SLC25A48: variants seen among roughly 807,000 people sequenced by gnomAD.
SLC25A48 encodes CTC-321K16.1.
Under a neutral mutation model 32.2 loss-of-function variants are expected in SLC25A48, and 29 were observed. The observed-to-expected ratio is 0.90, with a 90% confidence interval of 0.67 to 1.23. The LOEUF (loss-of-function observed/expected upper bound fraction) is 1.23, where lower values mean the gene tolerates loss of function less well. SLC25A48 is among the 50% of genes most tolerant of loss of function. SLC25A48 has a pLI of 0.00. For synonymous variants in SLC25A48, 164 were observed against 172.3 expected (o/e 0.95, Z 0.38); for missense variants, 399 against 422.7 (o/e 0.94, Z 0.49).
At chr5:135,596,750 A>T (rs1751661404) in intron 1 of SLC25A48, among the ~76,000 whole-genome samples, 1 of 152,172 alleles carries the variant, frequency 6.6e-6, no homozygotes, top group African/African-American at 2.4e-5. Flanking sequence ...GTGGAGCTTC[A>T]TGCCCCACTT....
At chr5:135,742,732 A>G in intron 3 of SLC25A48, 2 of 381,564 alleles carry the variant, frequency 5.2e-6, no homozygotes, top group Non-Finnish European at 9.5e-6. Context: ...CAACAGTAGA[A>G]GTAAGTGCTA....
intron 4 of SLC25A48, among the ~76,000 whole-genome samples, chr5:135,869,514 T>A (rs1761477766): frequency 2.0e-5 from 3 of 152,200 alleles, no homozygotes; most frequent in Admixed American, 2.0e-4. Context: ...GTTATCAAGA[T>A]CCTCTCCCTC....
chr5:135,676,785 T>A (rs1389067192), intron 3 of SLC25A48, among the ~76,000 whole-genome samples: 1 of 152,034 alleles, frequency 6.6e-6, no homozygotes, highest in Admixed American at 6.5e-5. Flanking sequence ...TTCCTCTTAA[T>A]ATTGATTTCT....
chr5:135,813,525 A>C (rs191885368), intron 4 of SLC25A48, among the ~76,000 whole-genome samples: 54 of 152,312 alleles, frequency 3.5e-4, no homozygotes, highest in African/African-American at 1.3e-3. Context: ...AAGGAGAGCT[A>C]TAAGACCCTT....
chr5:135,886,389 A>C (rs1053658495), intron 7 of SLC25A48, among the ~76,000 whole-genome samples: 5 of 145,518 alleles, frequency 3.4e-5, no homozygotes, highest in Admixed American at 7.1e-5. Context: ...CCTGGGCTGC[A>C]ATGAATGAAA....
At chr5:135,869,989 C>G (rs115757061) in intron 4 of SLC25A48, among the ~76,000 whole-genome samples, 1 of 152,328 alleles carries the variant, frequency 6.6e-6, no homozygotes, top group Non-Finnish European at 1.5e-5. Flanking sequence ...ACCCCCTCAA[C>G]CTCACCTGCT....
chr5:135,744,966 C>T (rs13171441), intron 3 of SLC25A48, among the ~76,000 whole-genome samples: 39,363 of 151,936 alleles, frequency 0.26, 5,409 homozygotes, highest in East Asian at 0.46. Flanking sequence ...CACTTGAAAC[C>T]AGGAGGCGGA....
chr5:135,798,434 G>C (rs1205621295), intron 3 of SLC25A48, among the ~76,000 whole-genome samples: 1 of 151,462 alleles, frequency 6.6e-6, no homozygotes, highest in South Asian at 2.1e-4. Flanking sequence ...TCCAGAAGGG[G>C]AGAAAATGAT....
intron 3 of SLC25A48, among the ~76,000 whole-genome samples, chr5:135,801,663 C>G (rs1242437639): frequency 1.3e-5 from 2 of 151,160 alleles, no homozygotes; most frequent in Non-Finnish European, 3.0e-5. Context: ...CTCAATATCA[C>G]AGTGGGAATA....
chr5:135,616,722 G>C (rs910501757), intron 1 of SLC25A48, among the ~76,000 whole-genome samples: 1 of 152,172 alleles, frequency 6.6e-6, no homozygotes, highest in Non-Finnish European at 1.5e-5. Flanking sequence ...TGTTGAAAAG[G>C]GATTATTGTA....
intron 3 of SLC25A48, among the ~76,000 whole-genome samples, chr5:135,718,867 A>G (rs1417454466): frequency 1.3e-5 from 2 of 152,148 alleles, no homozygotes; most frequent in South Asian, 2.1e-4. Flanking sequence ...TGTGGTTATC[A>G]AAGGGCAAGG....
intron 1 of SLC25A48, 83 bp from the exon 2 acceptor site, chr5:135,842,333 G>A: frequency 7.0e-6 from 10 of 1,435,850 alleles, no homozygotes; most frequent in Non-Finnish European, 8.8e-6. Context: ...GACTAAACAA[G>A]TGCCTGTTTT....
intron 3 of SLC25A48, among the ~76,000 whole-genome samples, chr5:135,656,148 T>C (rs1753240810): frequency 6.6e-6 from 1 of 152,214 alleles, no homozygotes; most frequent in Admixed American, 6.5e-5. Flanking sequence ...TCTGTTTACA[T>C]TAATTTTTAA....
At chr5:135,598,306 A>G (rs1219029759) in intron 1 of SLC25A48, among the ~76,000 whole-genome samples, 2 of 152,118 alleles carry the variant, frequency 1.3e-5, no homozygotes, top group Admixed American at 6.5e-5. Flanking sequence ...GGTTCTTCCT[A>G]TTGCATTATC....
chr5:135,668,847 A>G (rs1410093113), intron 3 of SLC25A48, among the ~76,000 whole-genome samples: 2 of 152,224 alleles, frequency 1.3e-5, no homozygotes, highest in African/African-American at 4.8e-5. Flanking sequence ...AAACAAAGCA[A>G]TTTAACACAA....
At chr5:135,681,254 G>A (rs990510846) in intron 3 of SLC25A48, among the ~76,000 whole-genome samples, 12 of 152,356 alleles carry the variant, frequency 7.9e-5, no homozygotes, top group East Asian at 3.9e-4. Context: ...GATTGCAGGC[G>A]TGAGCCACTG....
At chr5:135,690,944 A>ATTT (rs5871573) in intron 3 of SLC25A48, among the ~76,000 whole-genome samples, 170 of 149,436 alleles carry the variant, frequency 1.1e-3, no homozygotes, top group African/African-American at 1.7e-3. Context: ...CAGGGAAGGC[A>ATTT]TTTTTTTTTT....
chr5:135,590,357 C>T (rs1751491146), intron 1 of SLC25A48, among the ~76,000 whole-genome samples: 2 of 152,132 alleles, frequency 1.3e-5, no homozygotes, highest in Non-Finnish European at 1.5e-5. Flanking sequence ...TGGAGGAGGG[C>T]CTTTCCCACA....
intron 3 of SLC25A48, among the ~76,000 whole-genome samples, chr5:135,788,007 T>C (rs907227536): frequency 6.6e-6 from 1 of 152,008 alleles, no homozygotes; most frequent in African/African-American, 2.4e-5. Flanking sequence ...ACAGGGGTTG[T>C]AATTTCTGTA....
Sources: allele counts gnomAD v4.1 joint callset (sites outside exome capture counted in the v4.1 genomes callset), GRCh38; gene constraint gnomAD v4.1.1; transcripts MANE v1.5; gene names NCBI Gene and HGNC (gene_info 2026-07-23, HGNC 2026-07-21).